EXOC6B: variants seen among roughly 807,000 people sequenced by gnomAD.
EXOC6B encodes exocyst complex component 6B, also known as SEC15 homolog B.
In EXOC6B, 54 loss-of-function variants were observed where a neutral mutation model predicts 113.5. That is an observed-to-expected ratio of 0.48 (90% CI 0.38 to 0.60). EXOC6B has a LOEUF of 0.60. EXOC6B is among the 20% of genes least tolerant of loss of function. The pLI, the probability that EXOC6B is intolerant of heterozygous loss-of-function variation, is 0.00. For missense variants in EXOC6B, 797 were observed against 977.5 expected (o/e 0.82, Z 2.46); for synonymous variants, 357 against 339.0 (o/e 1.05, Z -0.58).
chr2:72,782,347 T>C (rs1330096994), intron 1 of EXOC6B, among the ~76,000 whole-genome samples: 1 of 152,152 alleles, frequency 6.6e-6, no homozygotes, highest in Admixed American at 6.5e-5. Flanking sequence ...CATCTCATAA[T>C]TTCTTTTTGG....
At chr2:72,230,234 C>A (rs1010286354) in intron 20 of EXOC6B, among the ~76,000 whole-genome samples, 1 of 152,206 alleles carries the variant, frequency 6.6e-6, no homozygotes, top group Middle Eastern at 3.4e-3. Flanking sequence ...TCCTTCACTG[C>A]GGGACACTTA....
chr2:72,227,908 T>G (rs996035976), intron 20 of EXOC6B, among the ~76,000 whole-genome samples: 2 of 152,322 alleles, frequency 1.3e-5, no homozygotes, highest in South Asian at 4.1e-4. Flanking sequence ...ACAACTAATG[T>G]GGCTTCCTAA....
chr2:72,694,226 T>C (rs1029139631), intron 6 of EXOC6B, among the ~76,000 whole-genome samples: 3 of 152,068 alleles, frequency 2.0e-5, no homozygotes, highest in Non-Finnish European at 2.9e-5. Flanking sequence ...GGCAGATCAC[T>C]TGAGGTCAGG....
chr2:72,764,100 A>G (rs1479952042), intron 1 of EXOC6B, among the ~76,000 whole-genome samples: 1 of 152,044 alleles, frequency 6.6e-6, no homozygotes, highest in Admixed American at 6.6e-5. Context: ...ATAATATAAA[A>G]TAAAAAGATA....
chr2:72,338,583 G>A (rs564986632), intron 19 of EXOC6B, among the ~76,000 whole-genome samples: 8 of 152,134 alleles, frequency 5.3e-5, no homozygotes, highest in Admixed American at 3.9e-4. Context: ...TTTAATAAAT[G>A]TATAAAATAG....
intron 21 of EXOC6B, 89 bp downstream of exon 21, chr2:72,183,986 G>A: frequency 2.8e-6 from 2 of 704,008 alleles, no homozygotes; most frequent in Non-Finnish European, 5.0e-6. Flanking sequence ...ATCTTTCAAG[G>A]TATTGGCAGT....
intron 8 of EXOC6B, among the ~76,000 whole-genome samples, chr2:72,537,858 G>C (rs1241399239): frequency 6.6e-6 from 1 of 151,998 alleles, no homozygotes; most frequent in Non-Finnish European, 1.5e-5. Flanking sequence ...TGTTATTTTT[G>C]AGATGTATTG....
chr2:72,419,926 T>A (rs912859567), intron 18 of EXOC6B, among the ~76,000 whole-genome samples: 1 of 152,168 alleles, frequency 6.6e-6, no homozygotes, highest in Admixed American at 6.5e-5. Context: ...TACAACAATG[T>A]GCATAATAGT....
intron 1 of EXOC6B, among the ~76,000 whole-genome samples, chr2:72,791,907 T>A (rs1684690679): frequency 6.6e-6 from 1 of 152,254 alleles, no homozygotes. Context: ...AATCTTGAAT[T>A]CACTGAAACA....
intron 5 of EXOC6B, among the ~76,000 whole-genome samples, chr2:72,724,231 G>A (rs1238527255): frequency 6.6e-6 from 1 of 152,076 alleles, no homozygotes; most frequent in East Asian, 1.9e-4. Flanking sequence ...ACCAGCCAGG[G>A]GAAGGTAAGA....
At chr2:72,318,961 C>G (rs1236320954) in intron 20 of EXOC6B, among the ~76,000 whole-genome samples, 3 of 150,436 alleles carry the variant, frequency 2.0e-5, no homozygotes, top group Admixed American at 6.6e-5. Context: ...AAAACTGATG[C>G]ATGATTATAC....
intron 1 of EXOC6B, among the ~76,000 whole-genome samples, chr2:72,749,200 A>C (rs1681887109): frequency 6.6e-6 from 1 of 152,130 alleles, no homozygotes; most frequent in Admixed American, 6.6e-5. Flanking sequence ...GCCTGGTGAT[A>C]CTTATTGACT....
In EXOC6B at chr2:72,408,260, G is replaced by A. The variant is rs541182601; in HGVS notation, c.1981-28390C>T. Reference sequence around the variant, plus strand: ...AACATTCCATGCTCATGGGTAGGAAGAATCAATATCGTGAAAATGGCCATA... The same window carrying A: ...AACATTCCATGCTCATGGGTAGGAAAAATCAATATCGTGAAAATGGCCATA... On this transcript the variant is annotated intron_variant, in intron 18 of 21. Coordinates refer to ENST00000272427, the MANE Select transcript of EXOC6B (RefSeq NM_015189.3). Among the ~76,000 whole-genome samples, 6 of 152,270 alleles carry A rather than the reference G, an allele frequency of 3.9e-5. No homozygotes were observed. The East Asian group carries it at 1.2e-3, about 29-fold the overall frequency.
At chr2:72,427,659 C>A (rs1249799964) in intron 18 of EXOC6B, among the ~76,000 whole-genome samples, 1 of 152,146 alleles carries the variant, frequency 6.6e-6, no homozygotes, top group African/African-American at 2.4e-5. Flanking sequence ...TGACCCTTGG[C>A]GTGAGCAGCC....
intron 6 of EXOC6B, among the ~76,000 whole-genome samples, chr2:72,692,123 A>G (rs1218011860): frequency 6.6e-6 from 1 of 152,182 alleles, no homozygotes; most frequent in African/African-American, 2.4e-5. Flanking sequence ...CACATAGAAT[A>G]AGTTAATGAG....
At chr2:72,182,311 C>T (rs982962366) in intron 21 of EXOC6B, among the ~76,000 whole-genome samples, 10 of 151,950 alleles carry the variant, frequency 6.6e-5, no homozygotes, top group Non-Finnish European at 1.3e-4. Flanking sequence ...TTCCTGGGAA[C>T]GGAGGAGTAA....
At chr2:72,813,843 G>A (rs1307977812) in intron 1 of EXOC6B, among the ~76,000 whole-genome samples, 1 of 152,136 alleles carries the variant, frequency 6.6e-6, no homozygotes, top group Non-Finnish European at 1.5e-5. Flanking sequence ...ATTCTTGCTC[G>A]TTTAGATATT....
chr2:72,529,092 A>C (rs1191662825), intron 8 of EXOC6B, among the ~76,000 whole-genome samples: 1 of 152,130 alleles, frequency 6.6e-6, no homozygotes, highest in Non-Finnish European at 1.5e-5. Context: ...ATTGAATAAA[A>C]GTTGTGAGAG....
intron 20 of EXOC6B, among the ~76,000 whole-genome samples, chr2:72,212,057 T>C (rs1680230658): frequency 6.6e-6 from 1 of 152,096 alleles, no homozygotes; most frequent in Admixed American, 6.5e-5. Context: ...TGCTTTGGAA[T>C]ATGCAGAGGG....
Sources: gnomAD v4.1 joint callset for allele counts (sites outside exome capture counted in the v4.1 genomes callset) on GRCh38, gnomAD v4.1.1 for gene constraint, MANE v1.5 for transcripts, NCBI Gene and HGNC (gene_info 2026-07-23, HGNC 2026-07-21) for gene names.